Variants in LARGE1 observed in about 807,000 individuals in gnomAD.
The protein encoded by LARGE1 is xylosyl- and glucuronyltransferase LARGE1.
LARGE1 carries 43 observed loss-of-function variants against 87.6 expected under a neutral mutation model. That is an observed-to-expected ratio of 0.49 (90% confidence interval 0.38 to 0.63). LARGE1 has a LOEUF of 0.63. LARGE1 is among the 30% of genes least tolerant of loss of function. The pLI is 0.00. For synonymous variants in LARGE1, 434 were observed against 394.6 expected (o/e 1.10, Z -1.18); for missense variants, 802 against 1,000.2 (o/e 0.80, Z 2.67).
At chr22:33,310,185 C>T (rs755037049) in intron 11 of LARGE1, among the ~76,000 whole-genome samples, 4 of 152,066 alleles carry the variant, frequency 2.6e-5, no homozygotes, top group Admixed American at 6.6e-5. Flanking sequence ...TTGCTGGTTC[C>T]AGGAGCAGGC....
intron 7 of LARGE1, among the ~76,000 whole-genome samples, chr22:33,410,877 G>A (rs113207862): frequency 9.9e-5 from 15 of 152,280 alleles, no homozygotes; most frequent in African/African-American, 2.2e-4. Flanking sequence ...GCTGGTGCAC[G>A]TGAAAGCATG....
At chr22:33,478,855 G>A (rs1033302452) in intron 6 of LARGE1, among the ~76,000 whole-genome samples, 3 of 152,140 alleles carry the variant, frequency 2.0e-5, no homozygotes, top group African/African-American at 2.4e-5. Context: ...AGAGGGCATC[G>A]CTAACTATCT....
chr22:33,669,164 T>C (rs897283364), intron 2 of LARGE1, among the ~76,000 whole-genome samples: 3 of 152,226 alleles, frequency 2.0e-5, no homozygotes, highest in Admixed American at 1.3e-4. Context: ...GGGGAAGTAA[T>C]TTTATATCCC....
At chr22:33,181,303 G>T (rs964659751) in intron 11 of LARGE1, among the ~76,000 whole-genome samples, 3 of 152,062 alleles carry the variant, frequency 2.0e-5, no homozygotes, top group Non-Finnish European at 4.4e-5. Context: ...ATTTTATGGA[G>T]TATCTACTGT....
chr22:33,493,327 A>C (rs1351665694), intron 6 of LARGE1, among the ~76,000 whole-genome samples: 2 of 151,502 alleles, frequency 1.3e-5, no homozygotes, highest in South Asian at 4.2e-4. Context: ...TGTCCAGCTA[A>C]TTTTTGTATT....
intron 1 of LARGE1, among the ~76,000 whole-genome samples, chr22:33,800,872 A>G (rs1426102032): frequency 6.6e-6 from 1 of 152,214 alleles, no homozygotes; most frequent in Non-Finnish European, 1.5e-5. Context: ...AGGTATTTCT[A>G]TAAACACAAG....
intron 1 of LARGE1, among the ~76,000 whole-genome samples, chr22:33,866,431 T>A (rs2064106415): frequency 6.6e-6 from 1 of 152,188 alleles, no homozygotes; most frequent in Non-Finnish European, 1.5e-5. Flanking sequence ...TGTCTAGCGG[T>A]GACAACATCG....
At position 33,590,425 on chromosome 22, in the gene LARGE1, C is replaced by T. The variant is rs139971203; in HGVS notation, c.615+14010G>A. Among the ~76,000 whole-genome samples the T allele has an allele frequency of 3.3e-3, 501 of 152,262 alleles. 2 individuals carry two copies. The highest frequency in any genetic ancestry group is 0.011 in the African/African-American group (465 of 41,548). ...TTTATGCATTCTTCGAGAAAAAAAT[C>T]TTACATCATCACAATTCACCTCTTT... is the stretch of plus-strand genomic sequence containing the variant. On this transcript the variant is annotated intron_variant, in intron 5 of 14. Transcript: ENST00000397394.
chr22:33,613,880 C>T (rs1180236736), intron 4 of LARGE1, among the ~76,000 whole-genome samples: 3 of 152,174 alleles, frequency 2.0e-5, no homozygotes, highest in Admixed American at 6.5e-5. Flanking sequence ...AGTTTTCCCT[C>T]TCCTGGCCCC....
chr22:33,648,018 A>G (rs890853302), intron 3 of LARGE1, among the ~76,000 whole-genome samples: 1 of 152,198 alleles, frequency 6.6e-6, no homozygotes, highest in Admixed American at 6.5e-5. Context: ...CGGACTCCCA[A>G]AGTGCTGGGA....
At chr22:33,585,768 T>C (rs1023768603) in intron 5 of LARGE1, among the ~76,000 whole-genome samples, 1 of 152,194 alleles carries the variant, frequency 6.6e-6, no homozygotes, top group African/African-American at 2.4e-5. Flanking sequence ...ACACAGGTAA[T>C]GCAGGGAGGA....
At chr22:33,441,071 C>T (rs1427369952) in intron 6 of LARGE1, among the ~76,000 whole-genome samples, 12 of 98,512 alleles carry the variant, frequency 1.2e-4, no homozygotes, top group African/African-American at 3.4e-4. Context: ...TTTGTTTGAA[C>T]TTTTTTTTTT....
the LARGE1 span, among the ~76,000 whole-genome samples, chr22:33,122,305 A>G: frequency 1.3e-5 from 2 of 151,498 alleles, no homozygotes; most frequent in Non-Finnish European, 2.9e-5. Flanking sequence ...TAGCCACTCC[A>G]TCTGCATGTT....
At chr22:33,305,939 C>G (rs528171094) in intron 11 of LARGE1, among the ~76,000 whole-genome samples, 1 of 149,582 alleles carries the variant, frequency 6.7e-6, no homozygotes, top group South Asian at 2.1e-4. Flanking sequence ...CCCGGGTTCA[C>G]GCCATTCTCC....
chr22:33,888,482 A>G (rs947489924), intron 1 of LARGE1, among the ~76,000 whole-genome samples: 2 of 152,184 alleles, frequency 1.3e-5, no homozygotes, highest in African/African-American at 4.8e-5. Flanking sequence ...AGCTCATGAT[A>G]AAGAATATTT....
chr22:33,098,655 A>C, the LARGE1 span, among the ~76,000 whole-genome samples: 1 of 152,122 alleles, frequency 6.6e-6, no homozygotes, highest in African/African-American at 2.4e-5. Flanking sequence ...AAAATATAGT[A>C]TGTTTTTGGC....
chr22:33,114,167 C>T, the LARGE1 span, among the ~76,000 whole-genome samples: 19 of 152,006 alleles, frequency 1.2e-4, no homozygotes, highest in Admixed American at 5.2e-4. Flanking sequence ...TGAGCCACCG[C>T]GCCCGGCCGA....
Position 33,660,223 on chromosome 22 carries a change from G to A in LARGE1, c.107-9555C>T, listed in dbSNP as rs557506849. On this transcript the variant is annotated intron_variant, in intron 2 of 14. Coordinates refer to ENST00000397394, the MANE Select transcript of LARGE1 (RefSeq NM_133642.5). ...AACTGGCCCGTCATATACTCAAGGA[G>A]TCTGAGTATGGACAAAAGGGCTTTG... Among the ~76,000 whole-genome samples, 29 of 152,014 alleles carry A rather than the reference G, an allele frequency of 1.9e-4. No homozygotes were observed. In the South Asian group the frequency reaches 6.0e-3, roughly 32 times the overall value.
chr22:33,332,383 C>T (rs961469697), intron 10 of LARGE1, among the ~76,000 whole-genome samples: 1 of 152,214 alleles, frequency 6.6e-6, no homozygotes, highest in African/African-American at 2.4e-5. Context: ...GATTGTGAGG[C>T]CTCCCCAGCC....
Sources: gnomAD v4.1 joint callset for allele counts (sites outside exome capture counted in the v4.1 genomes callset) on GRCh38, gnomAD v4.1.1 for gene constraint, MANE v1.5 for transcripts, NCBI Gene and HGNC (gene_info 2026-07-23, HGNC 2026-07-21) for gene names.